MSR1: variants seen among roughly 807,000 people sequenced by gnomAD.
The protein encoded by MSR1 is macrophage scavenger receptor types I and II.
Under a neutral mutation model 47.2 loss-of-function variants are expected in MSR1, and 53 were observed. The ratio of observed to expected loss-of-function variants is 1.12; its 90% CI spans 0.90 to 1.41. The LOEUF is 1.41. MSR1 is among the 40% of genes most tolerant of loss of function. The probability of loss-of-function intolerance (pLI) is 0.00; values close to 1 mark genes in which losing one functional copy is unlikely to be tolerated. For synonymous variants in MSR1, 239 were observed against 185.6 expected (o/e 1.29, Z -2.34); for missense variants, 786 against 546.9 (o/e 1.44, Z -4.36).
At chr8:16,117,001 A>G (rs1005445124) in intron 9 of MSR1, among the ~76,000 whole-genome samples, 12 of 152,146 alleles carry the variant, frequency 7.9e-5, no homozygotes, top group Admixed American at 7.9e-4. Context: ...GTAATAGATG[A>G]AAAAGCCTCA....
chr8:16,181,272 C>G (rs917703994), intron 1 of MSR1, among the ~76,000 whole-genome samples: 3 of 152,184 alleles, frequency 2.0e-5, no homozygotes, highest in Non-Finnish European at 2.9e-5. Flanking sequence ...AACTGCCACA[C>G]TGTCTTCCAC....
At chr8:16,139,946 A>C in intron 8 of MSR1, 1 of 394,464 alleles carries the variant, frequency 2.5e-6, no homozygotes, top group Non-Finnish European at 3.4e-6. Flanking sequence ...TTCCTCCCCC[A>C]GTATAGCTTA....
intron 1 of MSR1, among the ~76,000 whole-genome samples, chr8:16,191,524 T>A (rs1299937200): frequency 3.9e-5 from 6 of 152,176 alleles, no homozygotes; most frequent in African/African-American, 7.2e-5. Context: ...ATATCACTTT[T>A]TTTTTAAATA....
rs1212270234 is a variant in MSR1 at position 16,133,568 on chromosome 8, T to C, written c.1033+9990A>G. Among the ~76,000 whole-genome samples, 4 of 152,284 alleles carry C rather than the reference T, an allele frequency of 2.6e-5. No individual in the cohort carries two copies. In the South Asian group the frequency reaches 8.3e-4, roughly 32 times the overall value. ...ATAGTAAGCCTAGGTTACCATTCTT[T>C]GGCCCTCCAGGAAGTCAACAAGAAA... On this transcript the variant is annotated intron_variant, in intron 8 of 9. Transcript: ENST00000262101.
chr8:16,114,602 T>C (rs919855526), intron 9 of MSR1, among the ~76,000 whole-genome samples: 3 of 152,112 alleles, frequency 2.0e-5, no homozygotes, highest in African/African-American at 7.2e-5. Context: ...GCCCTGTGCA[T>C]TGATAAACAG....
intron 8 of MSR1, chr8:16,139,445 C>G: frequency 1.0e-6 from 1 of 973,748 alleles, no homozygotes; most frequent in South Asian, 4.7e-5. Context: ...AATAAAAATG[C>G]TGAGATACAC....
At chr8:16,164,366 G>T in intron 4 of MSR1, 115 bp from the exon 5 acceptor site, 2 of 790,292 alleles carry the variant, frequency 2.5e-6, no homozygotes, top group Non-Finnish European at 2.1e-6. Flanking sequence ...GGAGTTTTAT[G>T]GAATAAGAAT....
At position 16,189,789 on chromosome 8, in the gene MSR1, A is replaced by T. The variant is rs1802141710; in HGVS notation, c.-5+2809T>A. 1.5e-5 allele frequency among the ~76,000 whole-genome samples: 2 copies of T among 136,008 alleles called. 1 individual carries two copies. Among genetic ancestry groups the T allele is most frequent in the South Asian group, 4.5e-4 (2 of 4,422 alleles). 89.2% of individuals were successfully genotyped at this position (136,008 alleles called of 152,430 possible). On this transcript the variant is annotated intron_variant, in intron 1 of 9. Coordinates refer to ENST00000262101, the MANE Select transcript of MSR1 (RefSeq NM_138715.3). The stretch of plus-strand genomic sequence containing the variant: ...TATATATATATAAAATCTTATTTAT[A>T]CAGCCATTTTTCTAAATAAAAAATA...
chr8:16,143,873 G>C (rs368117636), intron 7 of MSR1, among the ~76,000 whole-genome samples: 3 of 152,034 alleles, frequency 2.0e-5, no homozygotes, highest in African/African-American at 7.2e-5. Context: ...TGAAGAATAA[G>C]GAGTTTGTTT....
In MSR1 at chr8:16,170,779, A is replaced by T. The variant is rs1801462430; in HGVS notation, c.218-1909T>A. 2.6e-5 allele frequency among the ~76,000 whole-genome samples: 4 copies of T among 152,264 alleles called. No homozygotes were observed. The South Asian group carries it at 8.3e-4, about 32-fold the overall frequency. ...AGTTCCCTGATTCTAGAATCTTCCT[A>T]CACTCCTCCATTACCAACTAGGCTA... On this transcript the variant is annotated intron_variant, in intron 3 of 9. Transcript: ENST00000262101.
At chr8:16,139,478 T>C (rs1800471993) in intron 8 of MSR1, 3 of 983,022 alleles carry the variant, frequency 3.1e-6, no homozygotes, top group Non-Finnish European at 3.6e-6. Context: ...TCTAGAGTTC[T>C]ACTAGAATCT....
At chr8:16,145,792 C>T (rs968823549) in intron 7 of MSR1, among the ~76,000 whole-genome samples, 1 of 152,030 alleles carries the variant, frequency 6.6e-6, no homozygotes, top group Non-Finnish European at 1.5e-5. Flanking sequence ...AATCTTTTCT[C>T]ACACTTGAAA....
intron 8 of MSR1, among the ~76,000 whole-genome samples, chr8:16,126,043 ATTTCT>A (rs1239284540): frequency 6.6e-6 from 1 of 152,120 alleles, no homozygotes; most frequent in African/African-American, 2.4e-5. Context: ...TATAAATATT[ATTTCT>A]TTTCTTTATT....
intron 1 of MSR1, among the ~76,000 whole-genome samples, chr8:16,189,407 A>G (rs1166566011): frequency 2.0e-5 from 2 of 101,614 alleles, no homozygotes; most frequent in African/African-American, 9.9e-5. Flanking sequence ...TATATATTTT[A>G]TATATATTTT....
chr8:16,186,571 G>C (rs1281859580), intron 1 of MSR1, among the ~76,000 whole-genome samples: 1 of 151,772 alleles, frequency 6.6e-6, no homozygotes, highest in Non-Finnish European at 1.5e-5. Flanking sequence ...TAGAAACTGA[G>C]GGCTTCTTGT....
At chr8:16,151,380 C>G (rs1800854435) in intron 6 of MSR1, among the ~76,000 whole-genome samples, 1 of 152,104 alleles carries the variant, frequency 6.6e-6, no homozygotes, top group Non-Finnish European at 1.5e-5. Flanking sequence ...GAGATACTTT[C>G]ATAGAAATCA....
At chr8:16,166,164 CTTTTTTTT>C (rs397892292) in intron 4 of MSR1, among the ~76,000 whole-genome samples, 2 of 71,306 alleles carry the variant, frequency 2.8e-5, no homozygotes, top group Non-Finnish European at 5.1e-5. Flanking sequence ...CTTTTTCTTT[CTTTTTTTT>C]TTTTTTTTTT....
At chr8:16,170,282 A>G (rs1801443948) in intron 3 of MSR1, among the ~76,000 whole-genome samples, 1 of 151,764 alleles carries the variant, frequency 6.6e-6, no homozygotes, top group African/African-American at 2.4e-5. Flanking sequence ...TGGGAGGCAG[A>G]GGTTGCAGTG....
chr8:16,179,349 T>G (rs1563169186), intron 1 of MSR1, among the ~76,000 whole-genome samples: 2 of 152,178 alleles, frequency 1.3e-5, no homozygotes, highest in African/African-American at 4.8e-5. Flanking sequence ...CTCCATCCTC[T>G]TCCTCCACAA....
Sources: gnomAD v4.1 joint callset for allele counts (sites outside exome capture counted in the v4.1 genomes callset) on GRCh38, gnomAD v4.1.1 for gene constraint, MANE v1.5 for transcripts, NCBI Gene and HGNC (gene_info 2026-07-23, HGNC 2026-07-21) for gene names.